RBMS1: variants seen among roughly 807,000 people sequenced by gnomAD.
RBMS1 encodes the protein RNA binding motif single stranded interacting protein 1, also known as RNA-binding motif, single-stranded-interacting protein 1.
Under a neutral mutation model 62.3 loss-of-function variants are expected in RBMS1, and 17 were observed. That is an observed-to-expected ratio of 0.27 (90% CI 0.19 to 0.41). The LOEUF is 0.41. Among genes scored for constraint, RBMS1 ranks in the 10% least tolerant of loss-of-function variants. RBMS1 has a pLI of 1.00. For synonymous variants in RBMS1, 172 were observed against 170.0 expected, an observed-to-expected ratio of 1.01 and a Z score of -0.09; for missense variants, 334 against 504.5, an observed-to-expected ratio of 0.66 and a Z score of 3.24.
intron 1 of RBMS1, among the ~76,000 whole-genome samples, chr2:160,457,870 T>C (rs1022729709): frequency 6.6e-6 from 1 of 152,176 alleles, no homozygotes; most frequent in Non-Finnish European, 1.5e-5. Context: ...AGGCAGATTA[T>C]TGCGTGAGGG....
chr2:160,483,466 A>G (rs1559608000), intron 1 of RBMS1, among the ~76,000 whole-genome samples: 1 of 152,228 alleles, frequency 6.6e-6, no homozygotes, highest in Admixed American at 6.5e-5. Flanking sequence ...GTTACCAAAT[A>G]AAATTTTATT....
chr2:160,457,669 G>A (rs1466555397), intron 1 of RBMS1, among the ~76,000 whole-genome samples: 1 of 152,234 alleles, frequency 6.6e-6, no homozygotes, highest in Non-Finnish European at 1.5e-5. Flanking sequence ...CACCATGAAA[G>A]ATGATCTTAC....
chr2:160,401,115 T>C (rs950731005), intron 1 of RBMS1, among the ~76,000 whole-genome samples: 1 of 152,220 alleles, frequency 6.6e-6, no homozygotes, highest in Non-Finnish European at 1.5e-5. Context: ...TGTGATTCTA[T>C]AGCAGAGGAA....
intron 2 of RBMS1, among the ~76,000 whole-genome samples, chr2:160,362,546 A>G (rs187299972): frequency 7.5e-4 from 114 of 152,324 alleles, no homozygotes; most frequent in African/African-American, 2.7e-3. Flanking sequence ...CAGAACACAC[A>G]TAACATTTAT....
intron 1 of RBMS1, among the ~76,000 whole-genome samples, chr2:160,424,371 G>A (rs973881671): frequency 1.3e-5 from 2 of 150,768 alleles, no homozygotes; most frequent in Non-Finnish European, 3.0e-5. Context: ...AGATTGGGGG[G>A]GGGGGGAAAC....
Position 160,324,882 on chromosome 2 carries a change from G to GTATATATATATATATATATATA in RBMS1, c.252-6677_252-6656dup, listed in dbSNP as rs201492090. Among the ~76,000 whole-genome samples, 93 of 99,988 alleles carry GTATATATATATATATATATATA rather than the reference G, an allele frequency of 9.3e-4. 4 individuals are homozygous for GTATATATATATATATATATATA. Among genetic ancestry groups the GTATATATATATATATATATATA allele is most frequent in the South Asian group, 1.7e-3 (5 of 3,022 alleles). The allele number at this position is 99,988 out of a possible 152,430, so 65.6% of individuals were successfully genotyped here. On this transcript the variant is annotated intron_variant, in intron 2 of 13. Coordinates refer to ENST00000348849, the MANE Select transcript of RBMS1 (RefSeq NM_016836.4). ...CTAAGCGAGATGTGTGTGTGTGTGTGTATATATATATATATATATATATAT... is the reference window on the plus strand; with the variant it reads ...CTAAGCGAGATGTGTGTGTGTGTGTGTATATATATATATATATATATATATATATATATATATATATATATAT...
rs538731978 is a variant in RBMS1, at chr2:160,357,256, T to C, written c.251+9960A>G. Among the ~76,000 whole-genome samples the C allele has an allele frequency of 7.2e-5, 11 of 152,252 alleles. No homozygotes were observed. In the South Asian group the frequency reaches 1.7e-3, roughly 23 times the overall value. On this transcript the variant is annotated intron_variant, in intron 2 of 13. Coordinates refer to ENST00000348849, the MANE Select transcript of RBMS1 (RefSeq NM_016836.4). ...TTATGGTTATGATAATTATTTCCAG[T>C]GCCGGCTCCCCAATTAACTTCTGCT...
intron 12 of RBMS1, among the ~76,000 whole-genome samples, chr2:160,276,382 T>C (rs1419173958): frequency 6.7e-6 from 1 of 149,558 alleles, no homozygotes; most frequent in Non-Finnish European, 1.5e-5. Context: ...CACCTACTAC[T>C]ACTACTACTG....
rs143120817 is a variant in RBMS1 at position 160,331,067 on chromosome 2, C to T, written c.252-12840G>A. 2.6e-3 allele frequency among the ~76,000 whole-genome samples: 390 copies of T among 152,196 alleles called. 1 individual carries two copies. Among genetic ancestry groups the T allele is most frequent in the African/African-American group, 8.6e-3 (357 of 41,526 alleles). ...AAACTACCAAAGCTGGAAGAGGTAA[C>T]GAAGCATGTTCCCCCACAGGTTTCA... is the stretch of plus-strand genomic sequence containing the variant. On this transcript the variant is annotated intron_variant, in intron 2 of 13. Coordinates refer to ENST00000348849, the MANE Select transcript of RBMS1 (RefSeq NM_016836.4).
At position 160,437,157 on chromosome 2, in the gene RBMS1, C is replaced by T. The variant is rs531179893; in HGVS notation, c.75+56132G>A. On this transcript the variant is annotated intron_variant, in intron 1 of 13. Coordinates refer to ENST00000348849, the MANE Select transcript of RBMS1 (RefSeq NM_016836.4). ...CAGAAATAGAATAGCAAATTGACAACTACTATCCCAAAGGCCGCCATCCCA... is the reference window on the plus strand; with the variant it reads ...CAGAAATAGAATAGCAAATTGACAATTACTATCCCAAAGGCCGCCATCCCA... 6.7e-4 allele frequency among the ~76,000 whole-genome samples: 102 copies of T among 152,230 alleles called. 1 individual carries two copies. The highest frequency in any genetic ancestry group is 1.4e-3 in the Admixed American group (22 of 15,296).
intron 1 of RBMS1, among the ~76,000 whole-genome samples, chr2:160,454,619 T>G (rs1343966206): frequency 6.6e-6 from 1 of 151,722 alleles, no homozygotes; most frequent in Non-Finnish European, 1.5e-5. Flanking sequence ...GATCTGGGCG[T>G]GTGTAAGGAA....
chr2:160,357,872 T>C (rs527785399), intron 2 of RBMS1, among the ~76,000 whole-genome samples: 1 of 152,294 alleles, frequency 6.6e-6, no homozygotes, highest in African/African-American at 2.4e-5. Context: ...TGGTTCTCTA[T>C]TGGGAAGCAG....
At chr2:160,312,589 A>G (rs1689988044) in intron 4 of RBMS1, among the ~76,000 whole-genome samples, 1 of 152,154 alleles carries the variant, frequency 6.6e-6, no homozygotes, top group African/African-American at 2.4e-5. Flanking sequence ...GAACTACTAA[A>G]AAGTAGATTT....
chr2:160,391,561 A>T (rs1332685686), intron 1 of RBMS1, among the ~76,000 whole-genome samples: 1 of 152,188 alleles, frequency 6.6e-6, no homozygotes, highest in Non-Finnish European at 1.5e-5. Context: ...ACATTTTGCC[A>T]TAAAATATTT....
intron 2 of RBMS1, among the ~76,000 whole-genome samples, chr2:160,322,314 G>A (rs1412166443): frequency 6.6e-6 from 1 of 152,180 alleles, no homozygotes; most frequent in Non-Finnish European, 1.5e-5. Context: ...CTCTGAGTAT[G>A]GAAGAAGAAG....
Position 160,455,929 on chromosome 2 carries a change from C to T in RBMS1, c.75+37360G>A, listed in dbSNP as rs533822487. ...CGATCTCCTGACCTCGTGATCCGCC[C>T]GCCTCGGCCTCCCAAAGTGCTGGGA... On this transcript the variant is annotated intron_variant, in intron 1 of 13. Transcript: ENST00000348849. Among the ~76,000 whole-genome samples the T allele has an allele frequency of 1.4e-4, 22 of 151,898 alleles. No individual in the cohort carries two copies. The East Asian group carries it at 2.5e-3, about 18-fold the overall frequency.
At chr2:160,446,492 T>C (rs1559560022) in intron 1 of RBMS1, among the ~76,000 whole-genome samples, 3 of 152,212 alleles carry the variant, frequency 2.0e-5, no homozygotes, top group Admixed American at 2.0e-4. Flanking sequence ...CACTTGAAGG[T>C]AGAGATTATG....
chr2:160,350,612 G>T (rs1283357577), intron 2 of RBMS1, among the ~76,000 whole-genome samples: 1 of 152,130 alleles, frequency 6.6e-6, no homozygotes, highest in Admixed American at 6.6e-5. Flanking sequence ...ATGATGAACT[G>T]CTTCCAGAAG....
chr2:160,426,920 A>G (rs1267297017), intron 1 of RBMS1, among the ~76,000 whole-genome samples: 1 of 152,234 alleles, frequency 6.6e-6, no homozygotes, highest in African/African-American at 2.4e-5. Flanking sequence ...TGGTTTGGTC[A>G]AGGAATGGAA....
Sources: allele counts gnomAD v4.1 joint callset (sites outside exome capture counted in the v4.1 genomes callset), GRCh38; gene constraint gnomAD v4.1.1; transcripts MANE v1.5; gene names NCBI Gene and HGNC (gene_info 2026-07-23, HGNC 2026-07-21).